Variants in TRIM2 observed in about 807,000 individuals in gnomAD.
TRIM2 encodes tripartite motif containing 2.
TRIM2 carries 20 observed loss-of-function variants against 75.2 expected under a neutral mutation model. That is an observed-to-expected ratio of 0.27 (90% CI 0.19 to 0.39). TRIM2 has a LOEUF of 0.39. Among genes scored for constraint, TRIM2 ranks in the 10% least tolerant of loss-of-function variants. TRIM2 has a pLI of 1.00. For synonymous variants in TRIM2, 373 were observed against 388.3 expected (o/e 0.96, Z 0.46); for missense variants, 660 against 990.8 (o/e 0.67, Z 4.48).
chr4:153,306,866 G>A (rs1765120962), intron 6 of TRIM2, among the ~76,000 whole-genome samples: 1 of 152,218 alleles, frequency 6.6e-6, no homozygotes, highest in Non-Finnish European at 1.5e-5. Flanking sequence ...CCTGCCAAGA[G>A]CCATATTACT....
chr4:153,282,954 ATT>A (rs33993803), intron 3 of TRIM2, among the ~76,000 whole-genome samples: 1 of 149,680 alleles, frequency 6.7e-6, no homozygotes, highest in African/African-American at 2.5e-5. Context: ...AACCTAGCTA[ATT>A]TTTTTTTTAA....
At chr4:153,265,200 C>G (rs535414322) in intron 1 of TRIM2, among the ~76,000 whole-genome samples, 1 of 151,436 alleles carries the variant, frequency 6.6e-6, no homozygotes, top group African/African-American at 2.4e-5. Flanking sequence ...GATGCTTTCT[C>G]TCTGCTTTTT....
intron 3 of TRIM2, among the ~76,000 whole-genome samples, chr4:153,279,512 T>C (rs973238616): frequency 1.3e-5 from 2 of 152,158 alleles, no homozygotes; most frequent in African/African-American, 4.8e-5. Flanking sequence ...TTACAAAGTA[T>C]TGGAAGTGGA....
At chr4:153,211,515 T>A (rs1300855482) in intron 1 of TRIM2, among the ~76,000 whole-genome samples, 3 of 144,108 alleles carry the variant, frequency 2.1e-5, no homozygotes, top group Admixed American at 7.0e-5. Flanking sequence ...TGAGACAGGG[T>A]TGCACACTGT....
At chr4:153,221,507 T>C (rs1409366277) in intron 1 of TRIM2, among the ~76,000 whole-genome samples, 1 of 152,206 alleles carries the variant, frequency 6.6e-6, no homozygotes, top group African/African-American at 2.4e-5. Context: ...TATGTTCCTA[T>C]AACCCTCTGT....
chr4:153,288,091 T>TTG (rs1285960454), intron 3 of TRIM2, among the ~76,000 whole-genome samples: 1 of 152,158 alleles, frequency 6.6e-6, no homozygotes, highest in Non-Finnish European at 1.5e-5. Flanking sequence ...AGTTTGAATA[T>TTG]ATTACCCCAT....
chr4:153,327,532 TGCATCTAG>T (rs1770511635), intron 10 of TRIM2, among the ~76,000 whole-genome samples: 1 of 152,250 alleles, frequency 6.6e-6, no homozygotes, highest in African/African-American at 2.4e-5. Flanking sequence ...AATATTTCTA[TGCATCTAG>T]GCATCATGAC....
chr4:153,302,770 C>G (rs1021891711), intron 6 of TRIM2, among the ~76,000 whole-genome samples: 3 of 152,230 alleles, frequency 2.0e-5, no homozygotes, highest in African/African-American at 7.2e-5. Context: ...CCCTCAAAAA[C>G]CACCTTCTCT....
Position 153,295,799 on chromosome 4 carries a change from G to T in TRIM2, c.1273G>T (p.Glu425Ter). 3 of 1,614,070 alleles carry T rather than the reference G, an allele frequency of 1.9e-6. No homozygotes were observed. Among genetic ancestry groups the T allele is most frequent in the Non-Finnish European group, 2.5e-6 (3 of 1,180,016 alleles). Residue 425 changes from glutamate (E) to a stop codon, truncating the protein, a stop_gained, in exon 6 of 12, where the codon GAA (glutamate) becomes TAA (stop). Coordinates refer to ENST00000338700, the MANE Select transcript of TRIM2 (RefSeq NM_015271.5). LOFTEE classifies it high-confidence loss of function. The surrounding 1 kb of genome is among the most constrained non-coding windows in gnomAD (Gnocchi z 7.2). The part of the protein sequence containing the change: ...TYEFLYTVQK[E>*]GDFTLSLRLY... ...TGAGTTTTTGTACACTGTCCAGAAG[G>T]AAGGGGACTTTACCCTGTCTCTGAG...
intron 3 of TRIM2, among the ~76,000 whole-genome samples, chr4:153,283,680 A>G (rs1579321741): frequency 7.2e-6 from 1 of 138,230 alleles, no homozygotes; most frequent in Non-Finnish European, 1.5e-5. Context: ...CTCTTTTGCC[A>G]GGCTGGAGTG....
Position 153,267,091 on chromosome 4 carries a change from A to G in TRIM2, c.31-3244A>G, listed in dbSNP as rs2150019085. 3 of 130,546 alleles carry G rather than the reference A, an allele frequency of 2.3e-5. No homozygotes were observed. In the South Asian group the frequency reaches 7.0e-4, roughly 30 times the overall value. 8.1% of individuals were successfully genotyped at this position (130,546 alleles called of 1,614,324 possible). On this transcript the variant is annotated intron_variant, in intron 1 of 11. Coordinates refer to ENST00000338700, the MANE Select transcript of TRIM2 (RefSeq NM_015271.5). ...GGTAGGAAGGAAAACTATTATTTAT[A>G]TTTGGAAAAGAATGTTTTCTTTAGA...
At chr4:153,237,662 A>G (rs1378113336) in intron 1 of TRIM2, among the ~76,000 whole-genome samples, 3 of 152,172 alleles carry the variant, frequency 2.0e-5, no homozygotes, top group Non-Finnish European at 2.9e-5. Context: ...CCCAGGCGAC[A>G]GTGCGAGACT....
intron 3 of TRIM2, among the ~76,000 whole-genome samples, chr4:153,277,484 G>A (rs1215269843): frequency 6.6e-6 from 1 of 152,162 alleles, no homozygotes; most frequent in African/African-American, 2.4e-5. Context: ...GGAGGGCAAG[G>A]ACCTGTCATT....
At chr4:153,198,020 G>T (rs928760323) in intron 1 of TRIM2, among the ~76,000 whole-genome samples, 1 of 152,146 alleles carries the variant, frequency 6.6e-6, no homozygotes, top group African/African-American at 2.4e-5. Flanking sequence ...TGGACTTCCA[G>T]CCTCCAGAAC....
chr4:153,301,922 C>T (rs933124871), intron 6 of TRIM2, among the ~76,000 whole-genome samples: 1 of 152,150 alleles, frequency 6.6e-6, no homozygotes, highest in Admixed American at 6.6e-5. Flanking sequence ...GTGATGCCAC[C>T]AGCTTTGTTC....
intron 6 of TRIM2, chr4:153,310,252 A>G (rs1765962680): frequency 6.6e-6 from 1 of 152,216 alleles, no homozygotes; most frequent in Non-Finnish European, 1.5e-5. Context: ...ATTAAAGTAG[A>G]TAGAAAAATA....
intron 1 of TRIM2, among the ~76,000 whole-genome samples, chr4:153,254,368 C>T (rs1038228879): frequency 3.3e-5 from 5 of 152,200 alleles, no homozygotes; most frequent in African/African-American, 1.2e-4. Flanking sequence ...CATAGTCAGA[C>T]TGGCTGATGG....
intron 1 of TRIM2, among the ~76,000 whole-genome samples, chr4:153,225,251 A>G (rs1344501396): frequency 1.2e-4 from 18 of 152,200 alleles, no homozygotes; most frequent in Admixed American, 1.2e-3. Context: ...TAAATTCCCA[A>G]AGACAGCTTT....
chr4:153,217,204 C>T (rs529781539), intron 1 of TRIM2, among the ~76,000 whole-genome samples: 4 of 152,174 alleles, frequency 2.6e-5, no homozygotes, highest in Admixed American at 1.3e-4. Flanking sequence ...ATAAAGAAGA[C>T]ATAAACTCCC....
Sources: allele counts gnomAD v4.1 joint callset (sites outside exome capture counted in the v4.1 genomes callset), GRCh38; gene constraint gnomAD v4.1.1; non-coding constraint Gnocchi (gnomAD v3.1); transcripts MANE v1.5; gene names NCBI Gene and HGNC (gene_info 2026-07-23, HGNC 2026-07-21).